MYO3B: variants seen among roughly 807,000 people sequenced by gnomAD.
MYO3B encodes the protein myosin-IIIb.
Under a neutral mutation model 174.6 loss-of-function variants are expected in MYO3B, and 156 were observed. That is an observed-to-expected ratio of 0.89 (90% CI 0.78 to 1.02). The LOEUF is 1.02. Among genes scored for constraint, MYO3B ranks in the 50% least tolerant of loss-of-function variants. The probability of loss-of-function intolerance (pLI) is 0.00; values close to 1 mark genes in which losing one functional copy is unlikely to be tolerated. For synonymous variants in MYO3B, 563 were observed against 569.1 expected (o/e 0.99, Z 0.15); for missense variants, 1,632 against 1,639.4 (o/e 1.00, Z 0.08).
chr2:170,641,784 A>T (rs531152821), intron 32 of MYO3B, among the ~76,000 whole-genome samples: 1 of 149,680 alleles, frequency 6.7e-6, no homozygotes, highest in Admixed American at 6.8e-5. Flanking sequence ...CTTTTCAAAA[A>T]GTAACTCTAA....
chr2:170,241,697 A>C (rs376028987), intron 7 of MYO3B, among the ~76,000 whole-genome samples: 4 of 132,308 alleles, frequency 3.0e-5, no homozygotes, highest in Non-Finnish European at 6.6e-5. Flanking sequence ...GTAGTGGGGC[A>C]GATGGGCAAG....
chr2:170,228,785 C>G (rs1049053951), intron 6 of MYO3B, among the ~76,000 whole-genome samples: 1 of 152,100 alleles, frequency 6.6e-6, no homozygotes, highest in Non-Finnish European at 1.5e-5. Context: ...TAGAACATCA[C>G]ATTATAATTA....
At chr2:170,259,726 A>G (rs1420179018) in intron 7 of MYO3B, among the ~76,000 whole-genome samples, 3 of 152,202 alleles carry the variant, frequency 2.0e-5, no homozygotes, top group African/African-American at 7.2e-5. Context: ...ACAAATTGAT[A>G]AGTGGGACAC....
At chr2:170,221,147 C>T (rs2092895528) in intron 6 of MYO3B, among the ~76,000 whole-genome samples, 1 of 151,930 alleles carries the variant, frequency 6.6e-6, no homozygotes, top group Non-Finnish European at 1.5e-5. Flanking sequence ...CATATGATGG[C>T]CTGTGTGGTA....
intron 7 of MYO3B, among the ~76,000 whole-genome samples, chr2:170,289,762 T>G (rs2093583442): frequency 6.6e-6 from 1 of 152,052 alleles, no homozygotes; most frequent in African/African-American, 2.4e-5. Context: ...GTTCATTCTT[T>G]CTAGTTCCTT....
chr2:170,623,072 C>T (rs1334196079), intron 32 of MYO3B, among the ~76,000 whole-genome samples: 1 of 152,144 alleles, frequency 6.6e-6, no homozygotes, highest in Non-Finnish European at 1.5e-5. Context: ...ATTTATATTC[C>T]TTTGGGTATA....
At chr2:170,313,163 T>C (rs2093751238) in intron 7 of MYO3B, among the ~76,000 whole-genome samples, 1 of 152,238 alleles carries the variant, frequency 6.6e-6, no homozygotes, top group Non-Finnish European at 1.5e-5. Context: ...CACTTTGAAG[T>C]TGGCCTGCCT....
intron 7 of MYO3B, among the ~76,000 whole-genome samples, chr2:170,253,648 C>G (rs775186240): frequency 6.6e-6 from 1 of 151,926 alleles, no homozygotes; most frequent in African/African-American, 2.4e-5. Context: ...GAGGGCTACT[C>G]CCACATTTAT....
chr2:170,220,073 A>ATG (rs2092877165), intron 6 of MYO3B, among the ~76,000 whole-genome samples: 1 of 152,060 alleles, frequency 6.6e-6, no homozygotes, highest in Non-Finnish European at 1.5e-5. Flanking sequence ...CCTGGCTAAC[A>ATG]CAGTGAAACC....
intron 7 of MYO3B, among the ~76,000 whole-genome samples, chr2:170,248,220 G>A (rs1166994467): frequency 1.3e-5 from 2 of 152,086 alleles, no homozygotes. Flanking sequence ...CTTCCTTCCG[G>A]AAGGGTGAAG....
At chr2:170,448,790 G>GT (rs34511693) in intron 23 of MYO3B, among the ~76,000 whole-genome samples, 25,857 of 148,438 alleles carry the variant, frequency 0.17, 2,348 homozygotes, top group Admixed American at 0.27. Flanking sequence ...GTGTGCGATA[G>GT]TTTTTTTTTT....
intron 23 of MYO3B, among the ~76,000 whole-genome samples, chr2:170,455,272 A>G (rs1683844617): frequency 6.6e-6 from 1 of 152,188 alleles, no homozygotes; most frequent in Non-Finnish European, 1.5e-5. Flanking sequence ...AATTCCTCCT[A>G]AAGTTAGTTC....
intron 30 of MYO3B, among the ~76,000 whole-genome samples, chr2:170,521,922 T>TA (rs1252932611): frequency 6.6e-6 from 1 of 152,190 alleles, no homozygotes; most frequent in Non-Finnish European, 1.5e-5. Flanking sequence ...GCTAGAGCTT[T>TA]ATGTTCATCA....
intron 3 of MYO3B, among the ~76,000 whole-genome samples, chr2:170,209,141 G>A (rs774582845): frequency 7.9e-5 from 12 of 152,188 alleles, no homozygotes; most frequent in Non-Finnish European, 1.2e-4. Flanking sequence ...TCCAGTCAAA[G>A]CCTTGGTAAA....
intron 7 of MYO3B, among the ~76,000 whole-genome samples, chr2:170,271,395 C>T (rs1012936291): frequency 1.3e-5 from 2 of 152,186 alleles, no homozygotes; most frequent in Admixed American, 6.5e-5. Flanking sequence ...AAATAAATCA[C>T]ACTGAGAGAA....
At chr2:170,358,987 G>A (rs1574846610) in intron 8 of MYO3B, among the ~76,000 whole-genome samples, 1 of 152,094 alleles carries the variant, frequency 6.6e-6, no homozygotes, top group Non-Finnish European at 1.5e-5. Context: ...ATAAATGAGC[G>A]AGAGTAGTCA....
intron 32 of MYO3B, among the ~76,000 whole-genome samples, chr2:170,574,552 A>C (rs1485490922): frequency 6.6e-6 from 1 of 152,182 alleles, no homozygotes; most frequent in South Asian, 2.1e-4. Flanking sequence ...TCAAATACTA[A>C]TTAAAAGAAA....
chr2:170,580,488 A>G (rs1039746308), intron 32 of MYO3B, among the ~76,000 whole-genome samples: 5 of 152,128 alleles, frequency 3.3e-5, no homozygotes, highest in Non-Finnish European at 7.4e-5. Flanking sequence ...AAATACAAAA[A>G]TCAGCTGGGT....
intron 32 of MYO3B, among the ~76,000 whole-genome samples, chr2:170,624,384 A>G (rs1477030574): frequency 6.6e-6 from 1 of 152,100 alleles, no homozygotes. Context: ...ATTGGTGTAT[A>G]AGACTGCTTG....
Sources: gnomAD v4.1 joint callset for allele counts (sites outside exome capture counted in the v4.1 genomes callset) on GRCh38, gnomAD v4.1.1 for gene constraint, MANE v1.5 for transcripts, NCBI Gene and HGNC (gene_info 2026-07-23, HGNC 2026-07-21) for gene names.